The following THSD7B variants were observed in gnomAD, a reference collection of about 807,000 sequenced individuals.
The protein encoded by THSD7B is thrombospondin type 1 domain containing 7B.
THSD7B carries 138 observed loss-of-function variants against 213.6 expected under a neutral mutation model. The observed-to-expected ratio is 0.65, with a 90% CI of 0.56 to 0.74. The LOEUF is 0.74. THSD7B is among the 30% of genes least tolerant of loss of function. THSD7B has a pLI of 0.00. For missense variants in THSD7B, 1,931 were observed against 1,991.5 expected (o/e 0.97, Z 0.58); for synonymous variants, 742 against 687.0 (o/e 1.08, Z -1.25).
At chr2:137,424,953 T>G (rs150107312) in intron 14 of THSD7B, among the ~76,000 whole-genome samples, 9,231 of 151,586 alleles carry the variant, frequency 0.061, 439 homozygotes, top group Non-Finnish European at 0.096. Flanking sequence ...TCACCTGTAG[T>G]CCCAGCTACT....
At chr2:137,504,163 A>T (rs954111759) in intron 15 of THSD7B, among the ~76,000 whole-genome samples, 3 of 152,074 alleles carry the variant, frequency 2.0e-5, no homozygotes, top group African/African-American at 7.2e-5. Context: ...CTTCTGGTTC[A>T]TCTCAGTTCT....
At position 136,772,235 on chromosome 2, in the gene THSD7B, T is replaced by C. The variant is rs1681521461; in HGVS notation, c.-36+6548T>C. On this transcript the variant is annotated intron_variant, in intron 1 of 27. Coordinates refer to ENST00000409968, the MANE Select transcript of THSD7B (RefSeq NM_001316349.2). ...CAGTCTTTACCGCTGCTGGAATTTA[T>C]CCAAAATGCAAGAACACACACACTT... 1.3e-5 allele frequency among the ~76,000 whole-genome samples: 2 copies of C among 152,114 alleles called. 1 individual carries two copies. Among genetic ancestry groups the C allele is most frequent in the African/African-American group, 4.8e-5 (2 of 41,428 alleles).
chr2:137,076,630 G>A (rs1218862096), intron 3 of THSD7B, among the ~76,000 whole-genome samples: 1 of 152,184 alleles, frequency 6.6e-6, no homozygotes, highest in East Asian at 1.9e-4. Flanking sequence ...CCAGTGAGAT[G>A]AACCCGGTAC....
At chr2:137,066,360 T>A (rs955210772) in intron 3 of THSD7B, among the ~76,000 whole-genome samples, 1 of 151,796 alleles carries the variant, frequency 6.6e-6, no homozygotes, top group African/African-American at 2.4e-5. Context: ...TCTGGCTAAT[T>A]TTTTTGTATT....
rs16838334 is a variant in THSD7B, at chr2:137,183,082, T to C, written c.1723+12144T>C. 2.7e-3 allele frequency among the ~76,000 whole-genome samples: 410 copies of C among 152,308 alleles called. 1 individual carries two copies. Among genetic ancestry groups the C allele is most frequent in the African/African-American group, 9.6e-3 (399 of 41,568 alleles). The stretch of plus-strand genomic sequence containing the variant: ...GGTATCAGTTAGTGGAAATGACAAC[T>C]GATTTCAGGCAATTGATTATCTCTC... On this transcript the variant is annotated intron_variant, in intron 7 of 27. Coordinates refer to ENST00000409968, the MANE Select transcript of THSD7B (RefSeq NM_001316349.2).
intron 3 of THSD7B, among the ~76,000 whole-genome samples, chr2:137,082,015 A>G (rs1396989505): frequency 2.6e-5 from 4 of 152,052 alleles, no homozygotes; most frequent in Admixed American, 1.3e-4. Context: ...TTCCGTCTAT[A>G]TATGATTATC....
In THSD7B at chr2:136,814,702, A is replaced by AT. The variant is rs1682442607; in HGVS notation, c.-36+49021dup. ...CGTGGTTTTATTGCCTTAGTATATAATTTTTTATATATGCAAAGAAATCTT... is the reference window on the plus strand; with the variant it reads ...CGTGGTTTTATTGCCTTAGTATATAATTTTTTTATATATGCAAAGAAATCTT... On this transcript the variant is annotated intron_variant, in intron 1 of 27. Coordinates refer to ENST00000409968, the MANE Select transcript of THSD7B (RefSeq NM_001316349.2). Among the ~76,000 whole-genome samples the AT allele has an allele frequency of 2.0e-5, 3 of 152,256 alleles. No homozygotes were observed. The South Asian group carries it at 6.2e-4, about 32-fold the overall frequency.
At chr2:137,584,913 A>G (rs1041825749) in intron 17 of THSD7B, among the ~76,000 whole-genome samples, 15 of 152,304 alleles carry the variant, frequency 9.8e-5, no homozygotes, top group Non-Finnish European at 2.2e-4. Context: ...AAGGAATGGT[A>G]CCAGCTCCTC....
At chr2:137,148,596 A>T (rs1317241635) in intron 5 of THSD7B, among the ~76,000 whole-genome samples, 1 of 152,188 alleles carries the variant, frequency 6.6e-6, no homozygotes, top group African/African-American at 2.4e-5. Flanking sequence ...CAAAATGCTA[A>T]TAAGGATATG....
At chr2:137,324,600 C>A (rs1573961848) in intron 12 of THSD7B, among the ~76,000 whole-genome samples, 2 of 152,124 alleles carry the variant, frequency 1.3e-5, no homozygotes, top group African/African-American at 4.8e-5. Context: ...AAGAGACATA[C>A]CATTTTGAGT....
intron 2 of THSD7B, among the ~76,000 whole-genome samples, chr2:137,013,801 G>A (rs1479799500): frequency 6.6e-6 from 1 of 152,076 alleles, no homozygotes; most frequent in Non-Finnish European, 1.5e-5. Context: ...GGCAGAACTG[G>A]GCCTACCAGG....
At chr2:137,157,827 A>G (rs1233596269) in intron 5 of THSD7B, among the ~76,000 whole-genome samples, 2 of 152,192 alleles carry the variant, frequency 1.3e-5, no homozygotes, top group Admixed American at 6.5e-5. Flanking sequence ...TAAGTGGGTT[A>G]TAACTAGTGT....
intron 20 of THSD7B, among the ~76,000 whole-genome samples, chr2:137,630,288 C>T (rs1237202325): frequency 6.6e-6 from 1 of 152,210 alleles, no homozygotes; most frequent in African/African-American, 2.4e-5. Flanking sequence ...GCCACCCCAC[C>T]CAGCCCCAAT....
chr2:137,489,772 G>A (rs1273032520), intron 15 of THSD7B, among the ~76,000 whole-genome samples: 1 of 152,086 alleles, frequency 6.6e-6, no homozygotes, highest in African/African-American at 2.4e-5. Flanking sequence ...AATATGGAAT[G>A]TTTTTATATT....
intron 15 of THSD7B, among the ~76,000 whole-genome samples, chr2:137,538,020 G>A (rs1402979992): frequency 1.3e-5 from 2 of 151,740 alleles, no homozygotes; most frequent in Non-Finnish European, 3.0e-5. Context: ...GTAGGGACAA[G>A]TGTCATGGGA....
At chr2:137,005,895 T>TGTGTGTATGTGCATATAC (rs1686097803) in intron 2 of THSD7B, among the ~76,000 whole-genome samples, 2 of 152,224 alleles carry the variant, frequency 1.3e-5, no homozygotes, top group Admixed American at 6.5e-5. Context: ...TAACATTTTA[T>TGTGTGTATGTGCATATAC]GTGTGTATGT....
intron 1 of THSD7B, among the ~76,000 whole-genome samples, chr2:136,777,131 A>G (rs1439755336): frequency 3.3e-5 from 5 of 152,170 alleles, no homozygotes; most frequent in Non-Finnish European, 7.4e-5. Context: ...GAGAGATCTG[A>G]ATAACACAAT....
chr2:136,793,019 C>G (rs1681995869), intron 1 of THSD7B, among the ~76,000 whole-genome samples: 1 of 151,948 alleles, frequency 6.6e-6, no homozygotes, highest in Non-Finnish European at 1.5e-5. Context: ...CTGTTTTTGG[C>G]TGCTATGAAT....
chr2:137,117,732 G>T (rs1688469450), intron 5 of THSD7B, among the ~76,000 whole-genome samples: 1 of 151,792 alleles, frequency 6.6e-6, no homozygotes, highest in Non-Finnish European at 1.5e-5. Context: ...TTACAATCTT[G>T]GGGGGGAAAA....
Sources: gnomAD v4.1 joint callset for allele counts (sites outside exome capture counted in the v4.1 genomes callset) on GRCh38, gnomAD v4.1.1 for gene constraint, MANE v1.5 for transcripts, NCBI Gene and HGNC (gene_info 2026-07-23, HGNC 2026-07-21) for gene names.